Variants in IREB2 observed in about 807,000 individuals in gnomAD.
IREB2 encodes the protein iron responsive element binding protein 2.
IREB2 carries 39 observed loss-of-function variants against 118.8 expected under a neutral mutation model. The observed-to-expected ratio is 0.33, with a 90% CI of 0.25 to 0.43. The LOEUF (loss-of-function observed/expected upper bound fraction) is 0.43. Among genes scored for constraint, IREB2 ranks in the 20% least tolerant of loss-of-function variants. The pLI, the probability that IREB2 is intolerant of heterozygous loss-of-function variation, is 1.00. For missense variants in IREB2, 900 were observed against 1,147.3 expected, an observed-to-expected ratio of 0.78 and a Z score of 3.11; for synonymous variants, 372 against 392.2, an observed-to-expected ratio of 0.95 and a Z score of 0.61.
chr15:78,445,774 C>T (rs2050918843), intron 2 of IREB2, among the ~76,000 whole-genome samples: 1 of 151,954 alleles, frequency 6.6e-6, no homozygotes, highest in Non-Finnish European at 1.5e-5. Flanking sequence ...GACTCTTTTA[C>T]TTGTTTTGTT....
At position 78,490,448 on chromosome 15, in the gene IREB2, A is replaced by G; in HGVS notation, c.2103A>G (p.Leu701=). The G allele has an allele frequency of 1.2e-6, 2 of 1,605,460 alleles. No individual in the cohort carries two copies. The highest frequency in any genetic ancestry group is 8.5e-7 in the Non-Finnish European group (1 of 1,177,626). ...IEMGNKRWNS[L]EAPDSVLFPW... ...TGGGGAATAAACGGTGGAATTCCTTAGAAGCACCGGATTCAGTTTTGTTTC... is the reference window on the plus strand; with the variant it reads ...TGGGGAATAAACGGTGGAATTCCTTGGAAGCACCGGATTCAGTTTTGTTTC... Residue 701 remains leucine, a synonymous_variant, in exon 17 of 22, where the codon TTA becomes TTG. Coordinates refer to ENST00000258886, the MANE Select transcript of IREB2 (RefSeq NM_004136.4).
intron 2 of IREB2, among the ~76,000 whole-genome samples, chr15:78,458,000 AT>A (rs2051133866): frequency 6.6e-6 from 1 of 152,058 alleles, no homozygotes; most frequent in East Asian, 1.9e-4. Flanking sequence ...ATTTATTGTA[AT>A]TTGAGAGCTT....
intron 21 of IREB2, 172 bp downstream of exon 21, chr15:78,497,483 C>A (rs1022900550): frequency 1.0e-4 from 60 of 592,498 alleles, no homozygotes; most frequent in South Asian, 3.8e-4. Context: ...AGTTCATGTT[C>A]TCTGAGGAAA....
At chr15:78,444,340 A>G (rs142984003) in intron 2 of IREB2, among the ~76,000 whole-genome samples, 11 of 152,276 alleles carry the variant, frequency 7.2e-5, no homozygotes, top group African/African-American at 2.6e-4. Flanking sequence ...ATGAATGACT[A>G]TGTTGAATGA....
In IREB2 at chr15:78,466,404, G is replaced by C; in HGVS notation, c.544G>C (p.Glu182Gln). ...TTCRGSCDSG[E>Q]LGRNSGTFSS... ...CTGCCGAGGATCTTGTGATTCTGGAGAACTAGGCCGAAACTCAGGAACATT... is the reference window on the plus strand; with the variant it reads ...CTGCCGAGGATCTTGTGATTCTGGACAACTAGGCCGAAACTCAGGAACATT... Residue 182 changes from glutamate (E) to glutamine (Q), a missense_variant, in exon 5 of 22, where the codon GAA (glutamate) becomes CAA (glutamine). Transcript: ENST00000258886. 1 of 1,614,132 alleles carries C rather than the reference G, an allele frequency of 6.2e-7. No homozygotes were observed.
At chr15:78,467,500 T>C (rs370880311) in intron 5 of IREB2, among the ~76,000 whole-genome samples, 2 of 152,212 alleles carry the variant, frequency 1.3e-5, no homozygotes, top group East Asian at 1.9e-4. Context: ...GAGGCCAGCC[T>C]GGCAAACATG....
chr15:78,496,700 T>C (rs1177553102), intron 20 of IREB2, among the ~76,000 whole-genome samples: 2 of 152,210 alleles, frequency 1.3e-5, no homozygotes, highest in Non-Finnish European at 2.9e-5. Flanking sequence ...AGTACTGGGA[T>C]TATAAGCATA....
At chr15:78,472,340 G>A (rs2051393397) in intron 7 of IREB2, among the ~76,000 whole-genome samples, 2 of 151,248 alleles carry the variant, frequency 1.3e-5, no homozygotes, top group South Asian at 4.2e-4. Context: ...CTTTACTTAC[G>A]TGGGCTGTCT....
chr15:78,466,270 G>A lies in IREB2; in HGVS notation c.411-1G>A. Reference sequence around the variant, plus strand: ...ATTTTGTTTTCTTTTTGGAATGACAGTGCAATACAGAATGCACCAAATCCT... The same window carrying A: ...ATTTTGTTTTCTTTTTGGAATGACAATGCAATACAGAATGCACCAAATCCT... On this transcript the variant is annotated splice_acceptor_variant, in intron 4 of 21. Coordinates refer to ENST00000258886, the MANE Select transcript of IREB2 (RefSeq NM_004136.4). LOFTEE classifies it high-confidence loss of function. 6.2e-7 allele frequency: 1 copy of A among 1,605,624 alleles called. No homozygotes were observed. Among genetic ancestry groups the A allele is most frequent in the Non-Finnish European group, 8.5e-7 (1 of 1,173,606 alleles).
chr15:78,463,654 A>G (rs570789412), intron 3 of IREB2, among the ~76,000 whole-genome samples: 5 of 152,168 alleles, frequency 3.3e-5, no homozygotes, highest in Non-Finnish European at 7.3e-5. Flanking sequence ...ATGATCTCTC[A>G]ATAGGTTTCT....
intron 2 of IREB2, among the ~76,000 whole-genome samples, chr15:78,450,961 G>A (rs144037083): frequency 8.6e-5 from 13 of 151,840 alleles, no homozygotes; most frequent in African/African-American, 2.9e-4. Context: ...ATAATGTAAT[G>A]AGCAGACTGT....
chr15:78,491,372 A>T (rs1465160738), intron 18 of IREB2, among the ~76,000 whole-genome samples: 2 of 152,198 alleles, frequency 1.3e-5, no homozygotes, highest in Non-Finnish European at 2.9e-5. Context: ...GACAATAGAG[A>T]CAAAGTTTTG....
intron 9 of IREB2, among the ~76,000 whole-genome samples, chr15:78,477,822 A>G (rs901052384): frequency 6.6e-6 from 1 of 152,084 alleles, no homozygotes; most frequent in African/African-American, 2.4e-5. Flanking sequence ...TTGAGAGGCT[A>G]AGGCGGGAGA....
rs532631731 is a variant in IREB2, at chr15:78,485,097, C to T, written c.1573+177C>T. Among the ~76,000 whole-genome samples, 11 of 152,310 alleles carry T rather than the reference C, an allele frequency of 7.2e-5. No homozygotes were observed. In the East Asian group the frequency reaches 1.9e-3, roughly 27 times the overall value. ...AGTTTGATTTATGTTGTTTTTATTA[C>T]ACCGAAGGTAAATTTACTGTTTACT... is the stretch of plus-strand genomic sequence containing the variant. On this transcript the variant is annotated intron_variant, in intron 12 of 21. Transcript: ENST00000258886.
At chr15:78,459,812 CCT>C (rs57522961) in intron 2 of IREB2, among the ~76,000 whole-genome samples, 22,883 of 152,042 alleles carry the variant, frequency 0.15, 1,749 homozygotes, top group Non-Finnish European at 0.16. Context: ...GTCTTCCTCT[CCT>C]CTTTTTTCGT....
chr15:78,476,106 A>T (rs1382920687), intron 8 of IREB2, 82 bp from the exon 9 acceptor site: 11 of 1,087,466 alleles, frequency 1.0e-5, no homozygotes, highest in African/African-American at 3.1e-5. Context: ...TTGGTTAAAA[A>T]TTTTATTTTA....
intron 2 of IREB2, among the ~76,000 whole-genome samples, chr15:78,452,379 C>G (rs1048579026): frequency 3.9e-5 from 6 of 152,162 alleles, no homozygotes; most frequent in Non-Finnish European, 8.8e-5. Context: ...CTGAATCGGG[C>G]ATGTGGTTTT....
At chr15:78,474,000 T>G (rs1456504785) in intron 8 of IREB2, 2 of 152,244 alleles carry the variant, frequency 1.3e-5, no homozygotes, top group African/African-American at 4.8e-5. Flanking sequence ...TTAACATTTC[T>G]CTGGATTATT....
intron 8 of IREB2, 120 bp downstream of exon 8, chr15:78,473,501 C>G (rs2051414618): frequency 4.3e-6 from 3 of 696,648 alleles, no homozygotes; most frequent in Admixed American, 2.7e-5. Flanking sequence ...TTGACGTTAG[C>G]CACATCATCA....
Sources: allele counts gnomAD v4.1 joint callset (sites outside exome capture counted in the v4.1 genomes callset), GRCh38; gene constraint gnomAD v4.1.1; transcripts MANE v1.5; gene names NCBI Gene and HGNC (gene_info 2026-07-23, HGNC 2026-07-21).